The following WNT6 variants were observed in gnomAD, a reference collection of about 807,000 sequenced individuals.
WNT6 encodes the protein protein Wnt-6.
WNT6 carries 27 observed loss-of-function variants against 33.1 expected under a neutral mutation model. The ratio of observed to expected loss-of-function variants is 0.82; its 90% CI spans 0.60 to 1.12. WNT6 has a LOEUF of 1.12. WNT6 is among the 50% of genes most tolerant of loss of function. The pLI is 0.00. For synonymous variants in WNT6, 249 were observed against 242.8 expected (o/e 1.03, Z -0.24); for missense variants, 494 against 535.3 (o/e 0.92, Z 0.76).
Position 218,860,068 on chromosome 2 carries a change from C to T in WNT6, c.31C>T (p.Leu11=). The T allele has an allele frequency of 6.7e-7, 1 of 1,489,716 alleles. No homozygotes were observed. The allele number at this position is 1,489,716 out of a possible 1,614,324, so 92.3% of individuals were successfully genotyped here. A position where few individuals can be genotyped will look rare whatever the true frequency, so the allele number is the denominator to read the frequency against. ...GCCGCCCTTACCCTCCCGCCTCGGGCTGCTGCTGCTGCTGCTCCTGTGCCC... is the reference window on the plus strand; with the variant it reads ...GCCGCCCTTACCCTCCCGCCTCGGGTTGCTGCTGCTGCTGCTCCTGTGCCC... MLPPLPSRLG[L]LLLLLLCPAH... Residue 11 remains leucine, a synonymous_variant, in exon 1 of 4, where the codon CTG becomes TTG. Coordinates refer to ENST00000233948, the MANE Select transcript of WNT6 (RefSeq NM_006522.4).
rs1267312817 is a variant in WNT6 at position 218,871,264 on chromosome 2, G to A, written c.301+17G>A. The A allele has an allele frequency of 1.9e-6, 3 of 1,593,460 alleles. No individual in the cohort carries two copies. The South Asian group carries it at 3.4e-5, about 18-fold the overall frequency. On this transcript the variant is annotated intron_variant, in intron 2 of 3. Coordinates refer to ENST00000233948, the MANE Select transcript of WNT6 (RefSeq NM_006522.4). The surrounding 1 kb of genome is among the most constrained non-coding windows in gnomAD (Gnocchi z 6.4). Reference sequence around the variant, plus strand: ...TGCAACAGGGTCAGTGTGGGGAGGGGGCGGAAGTGGGGCTGCTTTCTCCCT... The same window carrying A: ...TGCAACAGGGTCAGTGTGGGGAGGGAGCGGAAGTGGGGCTGCTTTCTCCCT...
At chr2:218,862,600 C>T (rs1944319790) in intron 1 of WNT6, among the ~76,000 whole-genome samples, 1 of 152,218 alleles carries the variant, frequency 6.6e-6, no homozygotes, top group Non-Finnish European at 1.5e-5. Flanking sequence ...TCAGGCTGGT[C>T]TCAAACTCCT....
At position 218,860,044 on chromosome 2, in the gene WNT6, C is replaced by A. The variant is rs1199015326; in HGVS notation, c.7C>A (p.Pro3Thr). Residue 3 changes from proline (P) to threonine (T), a missense_variant, in exon 1 of 4, where the codon CCG becomes ACG. Coordinates refer to ENST00000233948, the MANE Select transcript of WNT6 (RefSeq NM_006522.4). The stretch of plus-strand genomic sequence containing the variant: ...CGGCCGTAGGGCGGTCACGATGCTG[C>A]CGCCCTTACCCTCCCGCCTCGGGCT... Reference protein sequence around the residue: MLPPLPSRLGLLL... With the variant: MLTPLPSRLGLLL... 4 of 1,508,042 alleles carry A rather than the reference C, an allele frequency of 2.7e-6. No individual in the cohort carries two copies. The highest frequency in any genetic ancestry group is 3.5e-6 in the Non-Finnish European group (4 of 1,134,142). 93.4% of individuals were successfully genotyped at this position (1,508,042 alleles called of 1,614,324 possible).
At chr2:218,861,295 A>G (rs1251187534) in intron 1 of WNT6, among the ~76,000 whole-genome samples, 1 of 152,228 alleles carries the variant, frequency 6.6e-6, no homozygotes, top group Non-Finnish European at 1.5e-5. Flanking sequence ...CCCAGGTCCT[A>G]TCTAGGGAAC....
chr2:218,869,134 G>A (rs1944377912), intron 1 of WNT6, among the ~76,000 whole-genome samples: 1 of 152,156 alleles, frequency 6.6e-6, no homozygotes, highest in Non-Finnish European at 1.5e-5. Context: ...AGGAAGATGT[G>A]GACTGTGGCC....
chr2:218,869,069 A>C (rs557026146), intron 1 of WNT6, among the ~76,000 whole-genome samples: 1 of 152,064 alleles, frequency 6.6e-6, no homozygotes, highest in Non-Finnish European at 1.5e-5. Flanking sequence ...TGCTTTACTT[A>C]TCTAGGCTGG....
chr2:218,873,933 G>T lies in WNT6; in HGVS notation c.*88G>T, dbSNP rs1014160378. ...GCACCGGCACCGGGCGCCTCTCGCCGCTCGAGCCCAGCCTCTCCCTGCCAA... is the reference window on the plus strand; with the variant it reads ...GCACCGGCACCGGGCGCCTCTCGCCTCTCGAGCCCAGCCTCTCCCTGCCAA... On this transcript the variant is annotated 3_prime_UTR_variant, in exon 4 of 4. Transcript: ENST00000233948. This position sits in a 1 kb window ranked among gnomAD's most constrained non-coding sequence, Gnocchi z 6.1. 5 of 1,297,836 alleles carry T rather than the reference G, an allele frequency of 3.9e-6. No individual in the cohort carries two copies. Among genetic ancestry groups the T allele is most frequent in the African/African-American group, 1.6e-5 (1 of 63,498 alleles). 80.4% of individuals were successfully genotyped at this position (1,297,836 alleles called of 1,614,324 possible). A position where few individuals can be genotyped will look rare whatever the true frequency, so the allele number is the denominator to read the frequency against.
At chr2:218,862,463 A>T (rs1001897234) in intron 1 of WNT6, among the ~76,000 whole-genome samples, 1 of 150,950 alleles carries the variant, frequency 6.6e-6, no homozygotes, top group Non-Finnish European at 1.5e-5. Context: ...CTCCTGCTTC[A>T]GCTTCCCAAG....
intron 3 of WNT6, among the ~76,000 whole-genome samples, chr2:218,872,976 C>CGG (rs1176087703): frequency 0.015 from 2,301 of 152,178 alleles, 57 homozygotes; most frequent in African/African-American, 0.052. Flanking sequence ...GTGCTCAGCC[C>CGG]GGCCTGGGGG....
rs935852608 is a variant in WNT6 at position 218,873,440 on chromosome 2, C to A, written c.693C>A (p.Cys231Ter). 1.6e-5 allele frequency: 24 copies of A among 1,538,140 alleles called. No individual in the cohort carries two copies. The highest frequency in any genetic ancestry group is 1.9e-5 in the Non-Finnish European group (22 of 1,146,660). ...ECKCHGLSGS[C>*]ALRTCWQKLP... ...AATGCCACGGGCTGTCGGGATCATGCGCGCTGCGCACCTGCTGGCAGAAGC... is the reference window on the plus strand; with the variant it reads ...AATGCCACGGGCTGTCGGGATCATGAGCGCTGCGCACCTGCTGGCAGAAGC... Residue 231 changes from cysteine (C) to a stop codon, truncating the protein, a stop_gained, in exon 4 of 4, where the codon TGC becomes TGA. Coordinates refer to ENST00000233948, the MANE Select transcript of WNT6 (RefSeq NM_006522.4). LOFTEE classifies it high-confidence loss of function. This position sits in a 1 kb window ranked among gnomAD's most constrained non-coding sequence, Gnocchi z 6.1.
intron 1 of WNT6, among the ~76,000 whole-genome samples, chr2:218,861,006 C>T (rs1255189034): frequency 6.6e-6 from 1 of 152,216 alleles, no homozygotes; most frequent in Non-Finnish European, 1.5e-5. Flanking sequence ...CCCGGAATAG[C>T]TCAGTGTTTA....
At chr2:218,872,342 G>A (rs1203081704) in intron 3 of WNT6, among the ~76,000 whole-genome samples, 4 of 152,174 alleles carry the variant, frequency 2.6e-5, no homozygotes, top group African/African-American at 7.2e-5. Context: ...GGAAAAGAGC[G>A]AAGGACAAGG....
chr2:218,868,447 G>T (rs1003471793), intron 1 of WNT6, among the ~76,000 whole-genome samples: 3 of 152,172 alleles, frequency 2.0e-5, no homozygotes, highest in Admixed American at 1.3e-4. Flanking sequence ...GCAGAGGGCA[G>T]GGTTGAGGAG....
At chr2:218,864,131 C>T (rs1944333381) in intron 1 of WNT6, among the ~76,000 whole-genome samples, 2 of 152,204 alleles carry the variant, frequency 1.3e-5, no homozygotes, top group Admixed American at 6.5e-5. Context: ...CCAGGAAGTT[C>T]TTTACAACAT....
rs565402068 is a variant in WNT6 at position 218,867,834 on chromosome 2, T to C, written c.81-3193T>C. ...TGGGGATGGGGGAGTTATTACTTGA[T>C]GTGTTGTCAAAAGCCAAAGTTATAG... On this transcript the variant is annotated intron_variant, in intron 1 of 3. Transcript: ENST00000233948. The surrounding 1 kb of genome is among the most constrained non-coding windows in gnomAD (Gnocchi z 4.9). 1.3e-5 allele frequency among the ~76,000 whole-genome samples: 2 copies of C among 152,284 alleles called. No individual in the cohort carries two copies. Among genetic ancestry groups the C allele is most frequent in the Admixed American group, 6.5e-5 (1 of 15,300 alleles).
Position 218,873,709 on chromosome 2 carries a change from A to C in WNT6, c.962A>C (p.Asp321Ala). The change falls in exon 4 of 4, where the codon GAC becomes GCC. Residue 321 changes from aspartate to alanine, a missense_variant. Transcript: ENST00000233948. This position sits in a 1 kb window ranked among gnomAD's most constrained non-coding sequence, Gnocchi z 6.1. ...NSSAPDLSGC[D>A]LLCCGRGHRQ... is the part of the protein sequence containing the mutation. Reference sequence around the variant, plus strand: ...AGCGCCCCGGACCTCAGCGGCTGCGACCTGCTGTGCTGCGGCCGCGGGCAC... The same window carrying C: ...AGCGCCCCGGACCTCAGCGGCTGCGCCCTGCTGTGCTGCGGCCGCGGGCAC... 1 of 1,575,484 alleles carries C rather than the reference A, an allele frequency of 6.3e-7. No homozygotes were observed.
chr2:218,866,787 G>T (rs891722463), intron 1 of WNT6, among the ~76,000 whole-genome samples: 2 of 152,162 alleles, frequency 1.3e-5, no homozygotes, highest in African/African-American at 4.8e-5. Flanking sequence ...CAAGTCTGGT[G>T]GATCCCAAAA....
intron 1 of WNT6, among the ~76,000 whole-genome samples, chr2:218,869,069 A>T (rs557026146): frequency 1.3e-5 from 2 of 152,182 alleles, no homozygotes; most frequent in South Asian, 4.2e-4. Context: ...TGCTTTACTT[A>T]TCTAGGCTGG....
chr2:218,867,550 C>T lies in WNT6; in HGVS notation c.81-3477C>T, dbSNP rs910859342. The stretch of plus-strand genomic sequence containing the variant: ...TTAGAATGACCATCCATTGCCTTGT[C>T]CCTTCTTGTCCGCATACTGATTTCT... On this transcript the variant is annotated intron_variant, in intron 1 of 3. Coordinates refer to ENST00000233948, the MANE Select transcript of WNT6 (RefSeq NM_006522.4). This position sits in a 1 kb window ranked among gnomAD's most constrained non-coding sequence, Gnocchi z 4.9. Among the ~76,000 whole-genome samples, 1 of 152,212 alleles carries T rather than the reference C, an allele frequency of 6.6e-6. No individual in the cohort carries two copies. Among genetic ancestry groups the T allele is most frequent in the Non-Finnish European group, 1.5e-5 (1 of 68,034 alleles).
Sources: allele counts gnomAD v4.1 joint callset (sites outside exome capture counted in the v4.1 genomes callset), GRCh38; gene constraint gnomAD v4.1.1; non-coding constraint Gnocchi (gnomAD v3.1); transcripts MANE v1.5; gene names NCBI Gene and HGNC (gene_info 2026-07-23, HGNC 2026-07-21).